LRRC3B: variants seen among roughly 807,000 people sequenced by gnomAD.
LRRC3B encodes leucine-rich repeat-containing protein 3B.
A neutral mutation model predicts 12.8 loss-of-function variants in LRRC3B; 2 were observed. The ratio of observed to expected loss-of-function variants is 0.16; its 90% CI spans 0.06 to 0.49. LRRC3B has a LOEUF of 0.49. Ranked by LOEUF, LRRC3B falls within the 20% of genes least tolerant of loss-of-function variation. LRRC3B has a pLI of 0.96. For synonymous variants in LRRC3B, 132 were observed against 122.0 expected (o/e 1.08, Z -0.54); for missense variants, 189 against 319.4 (o/e 0.59, Z 3.11).
intron 1 of LRRC3B, among the ~76,000 whole-genome samples, chr3:26,638,536 T>A (rs1403588725): frequency 6.6e-6 from 1 of 152,212 alleles, no homozygotes; most frequent in African/African-American, 2.4e-5. Context: ...CAATACCTGA[T>A]GATGTGGAAA....
chr3:26,653,070 C>T (rs909005588), intron 1 of LRRC3B, among the ~76,000 whole-genome samples: 4 of 142,944 alleles, frequency 2.8e-5, no homozygotes, highest in Admixed American at 7.1e-5. Context: ...GAGAAGGCCT[C>T]AAAACCTTAG....
exon 2 of LRRC3B, chr3:26,710,380 C>G (rs199869814): frequency 1.2e-6 from 2 of 1,613,944 alleles, no homozygotes; most frequent in Middle Eastern, 1.7e-4. Flanking sequence ...GGAGACACCT[C>G]GAATACTTGA....
intron 1 of LRRC3B, among the ~76,000 whole-genome samples, chr3:26,656,251 G>C (rs760581296): frequency 6.6e-6 from 1 of 152,136 alleles, no homozygotes; most frequent in African/African-American, 2.4e-5. Context: ...AGCGAAGATC[G>C]TCTAATCACT....
rs530335891 is a variant in LRRC3B, at chr3:26,626,955, A to G, written c.-161+3718A>G. Among the ~76,000 whole-genome samples, 3 of 152,342 alleles carry G rather than the reference A, an allele frequency of 2.0e-5. No individual in the cohort carries two copies. The South Asian group carries it at 6.2e-4, about 32-fold the overall frequency. On this transcript the variant is annotated intron_variant, in intron 1 of 1. Transcript: ENST00000396641. ...CCTATCACAGGAAACATTCTTTTGAATACAGTGGCATAAATTCTTGGATTT... is the reference window on the plus strand; with the variant it reads ...CCTATCACAGGAAACATTCTTTTGAGTACAGTGGCATAAATTCTTGGATTT...
chr3:26,704,004 C>G (rs1044006925), intron 1 of LRRC3B, among the ~76,000 whole-genome samples: 2 of 151,740 alleles, frequency 1.3e-5, no homozygotes, highest in Admixed American at 6.6e-5. Flanking sequence ...TAAAACTGTA[C>G]AAAAGAATAT....
intron 1 of LRRC3B, among the ~76,000 whole-genome samples, chr3:26,655,498 A>G (rs1699355263): frequency 6.6e-6 from 1 of 152,212 alleles, no homozygotes; most frequent in Admixed American, 6.5e-5. Context: ...TGATAAGCAG[A>G]TCTTACTTGA....
Position 26,640,931 on chromosome 3 carries a change from G to A in LRRC3B, c.-161+17694G>A, listed in dbSNP as rs554233130. 2.2e-4 allele frequency among the ~76,000 whole-genome samples: 34 copies of A among 152,320 alleles called. 2 individuals are homozygous for A. Among genetic ancestry groups the A allele is most frequent in the Admixed American group, 7.8e-4 (12 of 15,302 alleles). Reference sequence around the variant, plus strand: ...CTGGAGACTTCATATGAATTGAGGTGTGAACAGGGAAGCAGAGTCCTTATG... The same window carrying A: ...CTGGAGACTTCATATGAATTGAGGTATGAACAGGGAAGCAGAGTCCTTATG... On this transcript the variant is annotated intron_variant, in intron 1 of 1. Coordinates refer to ENST00000396641, the Ensembl canonical transcript of LRRC3B.
chr3:26,671,350 G>GTATATATATATATATGTATA (rs1699727556), intron 1 of LRRC3B, among the ~76,000 whole-genome samples: 2 of 56,748 alleles, frequency 3.5e-5, no homozygotes, highest in African/African-American at 1.7e-4. Flanking sequence ...ATATATGTGT[G>GTATATATATATATATGTATA]TATATATATA....
intron 1 of LRRC3B, among the ~76,000 whole-genome samples, chr3:26,684,228 G>A (rs908273451): frequency 6.6e-6 from 1 of 152,212 alleles, no homozygotes; most frequent in Non-Finnish European, 1.5e-5. Context: ...GGAACCAGGG[G>A]TGAAAGTAGA....
At chr3:26,710,413 G>A (rs2125469843) in exon 2 of LRRC3B, 1 of 1,613,282 alleles carries the variant, frequency 6.2e-7, no homozygotes, top group African/African-American at 1.3e-5. Context: ...GCAGGCAGAA[G>A]AAAGCAGATG....
chr3:26,672,915 A>G (rs545350994), intron 1 of LRRC3B, among the ~76,000 whole-genome samples: 1 of 152,332 alleles, frequency 6.6e-6, no homozygotes, highest in Admixed American at 6.5e-5. Context: ...AGCTGTACAG[A>G]ATGACTTTGA....
chr3:26,655,806 T>C (rs1273251765), intron 1 of LRRC3B, among the ~76,000 whole-genome samples: 1 of 152,198 alleles, frequency 6.6e-6, no homozygotes, highest in East Asian at 1.9e-4. Flanking sequence ...GTCTGTCATA[T>C]GCCAGGTACT....
intron 1 of LRRC3B, among the ~76,000 whole-genome samples, chr3:26,686,859 T>G (rs1387877932): frequency 6.6e-6 from 1 of 152,196 alleles, no homozygotes. Context: ...GGATCTAGAC[T>G]GGTCCTTCAG....
chr3:26,623,443 T>C (rs1698554628), intron 1 of LRRC3B, among the ~76,000 whole-genome samples: 1 of 152,186 alleles, frequency 6.6e-6, no homozygotes, highest in South Asian at 2.1e-4. Flanking sequence ...TTCGCTCCTG[T>C]TCAGCCGGCT....
chr3:26,669,154 G>A (rs923593), intron 1 of LRRC3B, among the ~76,000 whole-genome samples: 49,196 of 152,170 alleles, frequency 0.32, 11,153 homozygotes, highest in African/African-American at 0.61. Flanking sequence ...TTTTCAGTCA[G>A]TGAACATTAA....
chr3:26,633,089 C>A (rs934910141), intron 1 of LRRC3B, among the ~76,000 whole-genome samples: 1 of 152,162 alleles, frequency 6.6e-6, no homozygotes, highest in East Asian at 1.9e-4. Flanking sequence ...CAACAGAAAG[C>A]GCTCTTTCAC....
At chr3:26,672,226 T>G (rs1002558682) in intron 1 of LRRC3B, among the ~76,000 whole-genome samples, 1 of 152,186 alleles carries the variant, frequency 6.6e-6, no homozygotes, top group Admixed American at 6.5e-5. Flanking sequence ...TGCCACAGCC[T>G]CTAGTTAATA....
chr3:26,653,880 GT>G (rs1334087408), intron 1 of LRRC3B, among the ~76,000 whole-genome samples: 5 of 152,146 alleles, frequency 3.3e-5, no homozygotes, highest in Admixed American at 3.3e-4. Context: ...GTGACATTTA[GT>G]TTATAAAGAA....
intron 1 of LRRC3B, among the ~76,000 whole-genome samples, chr3:26,670,226 C>A (rs529205910): frequency 6.6e-6 from 1 of 152,184 alleles, no homozygotes; most frequent in Non-Finnish European, 1.5e-5. Context: ...AAAGAGAAGT[C>A]ATTTCCTCAC....
Sources: gnomAD v4.1 joint callset for allele counts (sites outside exome capture counted in the v4.1 genomes callset) on GRCh38, gnomAD v4.1.1 for gene constraint, MANE v1.5 for transcripts, NCBI Gene and HGNC (gene_info 2026-07-23, HGNC 2026-07-21) for gene names.